Variants in FHIP1A observed in about 807,000 individuals in gnomAD.
The protein encoded by FHIP1A is FHF complex subunit HOOK interacting protein 1A.
In FHIP1A, 61 loss-of-function variants were observed where a neutral mutation model predicts 88.6. That is an observed-to-expected ratio of 0.69 (90% CI 0.56 to 0.85). FHIP1A has a LOEUF of 0.85. FHIP1A is among the 40% of genes least tolerant of loss of function. The pLI is 0.00. For synonymous variants in FHIP1A, 478 were observed against 496.0 expected (o/e 0.96, Z 0.48); for missense variants, 1,154 against 1,273.5 (o/e 0.91, Z 1.43).
chr4:151,502,182 A>G (rs1445059407), intron 3 of FHIP1A, among the ~76,000 whole-genome samples: 2 of 151,400 alleles, frequency 1.3e-5, no homozygotes, highest in African/African-American at 4.8e-5. Flanking sequence ...AAGAAAAGAA[A>G]AAATTAGCCA....
intron 11 of FHIP1A, among the ~76,000 whole-genome samples, chr4:151,655,960 G>A (rs985770637): frequency 1.3e-5 from 2 of 151,272 alleles, no homozygotes; most frequent in African/African-American, 4.8e-5. Context: ...TTTTTTTCCC[G>A]AGATCTGTGA....
In FHIP1A at chr4:151,665,531, A is replaced by G. The variant is rs1242381995; in HGVS notation, c.*2777A>G. On this transcript the variant is annotated 3_prime_UTR_variant, in exon 14 of 14. Coordinates refer to ENST00000435205, the MANE Select transcript of FHIP1A (RefSeq NM_001109977.3). The stretch of plus-strand genomic sequence containing the variant: ...ACAGGAAAACCCATGTGGCTGGGTG[A>G]AATAACTGAGAGTGGGTTATTTAGG... Among the ~76,000 whole-genome samples the G allele has an allele frequency of 6.6e-6, 1 of 152,204 alleles. No homozygotes were observed. The highest frequency in any genetic ancestry group is 1.9e-4 in the East Asian group (1 of 5,196).
intron 1 of FHIP1A, among the ~76,000 whole-genome samples, chr4:151,451,034 T>TC (rs1728771661): frequency 6.6e-6 from 1 of 152,144 alleles, no homozygotes; most frequent in South Asian, 2.1e-4. Flanking sequence ...CTGCTAGGCC[T>TC]CCCAGAGTGT....
intron 4 of FHIP1A, among the ~76,000 whole-genome samples, chr4:151,569,197 G>A (rs1329835113): frequency 6.6e-6 from 1 of 152,134 alleles, no homozygotes; most frequent in Admixed American, 6.5e-5. Flanking sequence ...AAGCTGGGAA[G>A]CATTTTATTT....
chr4:151,483,595 G>C (rs551464239), intron 3 of FHIP1A, among the ~76,000 whole-genome samples: 1 of 152,208 alleles, frequency 6.6e-6, no homozygotes, highest in South Asian at 2.1e-4. Flanking sequence ...GTGCTTTTCT[G>C]GGAAGAGTAG....
chr4:151,492,194 A>T (rs2126648803), intron 3 of FHIP1A, among the ~76,000 whole-genome samples: 1 of 152,296 alleles, frequency 6.6e-6, no homozygotes, highest in Non-Finnish European at 1.5e-5. Flanking sequence ...ACAACTGCAG[A>T]ATATACATTC....
intron 3 of FHIP1A, among the ~76,000 whole-genome samples, chr4:151,527,232 C>A (rs1731706045): frequency 6.6e-6 from 1 of 152,174 alleles, no homozygotes; most frequent in Non-Finnish European, 1.5e-5. Flanking sequence ...AGCCTGGGCA[C>A]CATTGAGCAC....
chr4:151,639,108 C>T (rs978781792), intron 9 of FHIP1A, among the ~76,000 whole-genome samples: 8 of 152,156 alleles, frequency 5.3e-5, no homozygotes, highest in African/African-American at 1.4e-4. Flanking sequence ...TTATAGGGGA[C>T]TTTTGCTATT....
chr4:151,637,413 T>A (rs1736394645), intron 8 of FHIP1A, among the ~76,000 whole-genome samples: 1 of 152,100 alleles, frequency 6.6e-6, no homozygotes, highest in South Asian at 2.1e-4. Context: ...AAATCATATA[T>A]CTGATAAGAT....
In FHIP1A at chr4:151,590,845, T is replaced by C. The variant is rs1734396993; in HGVS notation, c.978+1919T>C. Among the ~76,000 whole-genome samples the C allele has an allele frequency of 2.6e-5, 4 of 152,168 alleles. No individual in the cohort carries two copies. In the South Asian group the frequency reaches 8.3e-4, roughly 32 times the overall value. The stretch of plus-strand genomic sequence containing the variant: ...AACCATAAAGTTAATACATTTAAAG[T>C]TTAAAGCCATAAAGTTAATACATGC... On this transcript the variant is annotated intron_variant, in intron 7 of 13. Coordinates refer to ENST00000435205, the MANE Select transcript of FHIP1A (RefSeq NM_001109977.3).
intron 1 of FHIP1A, among the ~76,000 whole-genome samples, chr4:151,442,477 C>A (rs1413936178): frequency 6.6e-6 from 1 of 152,188 alleles, no homozygotes; most frequent in Admixed American, 6.5e-5. Flanking sequence ...TGCCTCCTCT[C>A]TTGTTCTTCC....
intron 3 of FHIP1A, among the ~76,000 whole-genome samples, chr4:151,511,705 A>C (rs1194547915): frequency 6.6e-6 from 1 of 152,220 alleles, no homozygotes; most frequent in Non-Finnish European, 1.5e-5. Context: ...TCTGAGATCA[A>C]ACTGCAAGGT....
At chr4:151,635,496 T>C (rs1736317923) in intron 8 of FHIP1A, among the ~76,000 whole-genome samples, 1 of 151,854 alleles carries the variant, frequency 6.6e-6, no homozygotes. Context: ...GATGGATGAA[T>C]GGATAAGAGA....
intron 13 of FHIP1A, 146 bp downstream of exon 13, chr4:151,657,044 C>A: frequency 2.4e-6 from 2 of 827,678 alleles, no homozygotes; most frequent in Non-Finnish European, 3.7e-6. Context: ...AGGGAGGAAC[C>A]ACCTCTTAGC....
chr4:151,529,932 G>A (rs886569965), intron 3 of FHIP1A, among the ~76,000 whole-genome samples: 4 of 152,162 alleles, frequency 2.6e-5, no homozygotes, highest in Admixed American at 2.0e-4. Context: ...GAAACTTCAC[G>A]AACAGTACTG....
chr4:151,474,363 T>G (rs1388562622), intron 2 of FHIP1A, among the ~76,000 whole-genome samples: 1 of 152,200 alleles, frequency 6.6e-6, no homozygotes, highest in Non-Finnish European at 1.5e-5. Context: ...CACATTGCAA[T>G]GTTGGATCAG....
At chr4:151,451,477 T>C (rs1383019108) in intron 1 of FHIP1A, among the ~76,000 whole-genome samples, 2 of 152,190 alleles carry the variant, frequency 1.3e-5, no homozygotes, top group African/African-American at 4.8e-5. Context: ...ACATGAAAGA[T>C]AGAATCTAAT....
In FHIP1A at chr4:151,669,254, C is replaced by G. The variant is rs1737775872; in HGVS notation, c.*6500C>G. ...TTTCAGGATTTCAGAAGCTGGCATTCAAGACAACAGGCAGTTTGTCAGAGC... is the reference window on the plus strand; with the variant it reads ...TTTCAGGATTTCAGAAGCTGGCATTGAAGACAACAGGCAGTTTGTCAGAGC... On this transcript the variant is annotated 3_prime_UTR_variant, in exon 14 of 14. Coordinates refer to ENST00000435205, the MANE Select transcript of FHIP1A (RefSeq NM_001109977.3). 6.6e-6 allele frequency among the ~76,000 whole-genome samples: 1 copy of G among 152,208 alleles called. No homozygotes were observed. The highest frequency in any genetic ancestry group is 6.5e-5 in the Admixed American group (1 of 15,280).
At chr4:151,468,589 G>C (rs1004164365) in intron 2 of FHIP1A, among the ~76,000 whole-genome samples, 1 of 152,120 alleles carries the variant, frequency 6.6e-6, no homozygotes, top group East Asian at 1.9e-4. Flanking sequence ...TAATACCCTA[G>C]GTTGGACTTC....
Sources: gnomAD v4.1 joint callset for allele counts (sites outside exome capture counted in the v4.1 genomes callset) on GRCh38, gnomAD v4.1.1 for gene constraint, MANE v1.5 for transcripts, NCBI Gene and HGNC (gene_info 2026-07-23, HGNC 2026-07-21) for gene names.